OPHN1: variants seen among roughly 807,000 people sequenced by gnomAD.
OPHN1 encodes oligophrenin 1.
In OPHN1, 11 loss-of-function variants were observed where a neutral mutation model predicts 60.7. That is an observed-to-expected ratio of 0.18 (90% confidence interval 0.11 to 0.30). OPHN1 has a LOEUF of 0.30. Among genes scored for constraint, OPHN1 ranks in the 10% least tolerant of loss-of-function variants. The probability of loss-of-function intolerance (pLI) is 1.00; values close to 1 mark genes in which losing one functional copy is unlikely to be tolerated. For synonymous variants in OPHN1, 226 were observed against 222.6 expected, an observed-to-expected ratio of 1.02 and a Z score of -0.14; for missense variants, 449 against 611.0, an observed-to-expected ratio of 0.73 and a Z score of 2.80.
chrX:68,401,453 A>G (rs957129527), intron 2 of OPHN1, among the ~76,000 whole-genome samples: 1 of 112,283 alleles, frequency 8.9e-6, no homozygotes, highest in African/African-American at 3.2e-5. Flanking sequence ...AGCCTGATAC[A>G]CACAAGGCCC....
chrX:68,269,813 G>A (rs895800600), intron 5 of OPHN1, among the ~76,000 whole-genome samples: 2 of 111,725 alleles, frequency 1.8e-5, no homozygotes, highest in Non-Finnish European at 3.8e-5. Flanking sequence ...CCTACAGAAT[G>A]GGAGAAAAAT....
intron 2 of OPHN1, among the ~76,000 whole-genome samples, chrX:68,398,616 G>A (rs1178131324): frequency 2.7e-5 from 3 of 111,384 alleles, no homozygotes; most frequent in Non-Finnish European, 5.6e-5. Context: ...TAAAGGCAAT[G>A]TGCTACCTTA....
At position 68,090,242 on chromosome X, in the gene OPHN1, C is replaced by CTGTGTG. The variant is rs10549357; in HGVS notation, c.1686+6622_1686+6627dup. ...CCCACCCCCCACCAAGTGTGTGTGT[C>CTGTGTG]TGTGTGTGTGTGTGTGTGTGTGTGT... On this transcript the variant is annotated intron_variant, in intron 19 of 24. Coordinates refer to ENST00000355520, the MANE Select transcript of OPHN1 (RefSeq NM_002547.3). Among the ~76,000 whole-genome samples, 622 of 98,148 alleles carry CTGTGTG rather than the reference C, an allele frequency of 6.3e-3. 2 individuals are homozygous for CTGTGTG. The highest frequency in any genetic ancestry group is 0.01 in the African/African-American group (277 of 27,041). The allele number at this position is 98,148 out of a possible 115,157, so 85.2% of individuals were successfully genotyped here.
At chrX:68,369,632 C>A (rs896259126) in intron 2 of OPHN1, among the ~76,000 whole-genome samples, 7 of 109,719 alleles carry the variant, frequency 6.4e-5, no homozygotes, top group African/African-American at 2.3e-4. Context: ...GACAATATCA[C>A]TAAGATAGAG....
At chrX:68,308,024 G>C (rs2078154360) in intron 2 of OPHN1, among the ~76,000 whole-genome samples, 1 of 112,315 alleles carries the variant, frequency 8.9e-6, no homozygotes, top group Admixed American at 9.4e-5. Flanking sequence ...ACCTGGTAAG[G>C]TTATGTGCTT....
intron 2 of OPHN1, among the ~76,000 whole-genome samples, chrX:68,330,635 T>TA (rs994188119): frequency 4.7e-5 from 5 of 106,604 alleles, no homozygotes; most frequent in Non-Finnish European, 5.8e-5. Context: ...TCTGCCTCTT[T>TA]AAAAAAAAAG....
At chrX:68,049,070 T>C (rs1000998539) in intron 23 of OPHN1, among the ~76,000 whole-genome samples, 12 of 111,176 alleles carry the variant, frequency 1.1e-4, no homozygotes, top group African/African-American at 3.3e-4. Context: ...ATGGCTTCAA[T>C]TGCCACCAAA....
chrX:68,397,267 C>A (rs2147762223), intron 2 of OPHN1, among the ~76,000 whole-genome samples: 1 of 110,931 alleles, frequency 9.0e-6, no homozygotes, highest in African/African-American at 3.3e-5. Context: ...AACCAGGGAC[C>A]ACAGTGGCTG....
chrX:68,324,635 A>C (rs1198313283), intron 2 of OPHN1, among the ~76,000 whole-genome samples: 1 of 109,386 alleles, frequency 9.1e-6, no homozygotes, highest in African/African-American at 3.3e-5. Context: ...AAAATCTAAA[A>C]ATAAAAATAA....
chrX:68,181,784 C>A (rs777975286), intron 15 of OPHN1, among the ~76,000 whole-genome samples: 9 of 111,628 alleles, frequency 8.1e-5, no homozygotes, highest in Non-Finnish European at 1.3e-4. Flanking sequence ...GCTAAGATTG[C>A]GCCACTGCAC....
intron 15 of OPHN1, among the ~76,000 whole-genome samples, chrX:68,157,329 G>A (rs2077313708): frequency 9.0e-6 from 1 of 111,564 alleles, no homozygotes; most frequent in South Asian, 3.7e-4. Context: ...TTTATTAAAA[G>A]TATACCATCC....
chrX:68,363,486 T>A (rs1449561315), intron 2 of OPHN1, among the ~76,000 whole-genome samples: 1 of 109,417 alleles, frequency 9.1e-6, no homozygotes, highest in African/African-American at 3.3e-5. Flanking sequence ...TGTTTTTTTT[T>A]ATTTTAGTAG....
At chrX:68,320,814 T>C (rs903595039) in intron 2 of OPHN1, among the ~76,000 whole-genome samples, 1 of 111,832 alleles carries the variant, frequency 8.9e-6, no homozygotes, top group Non-Finnish European at 1.9e-5. Flanking sequence ...CAGATTCAAG[T>C]TGGGGTACCC....
chrX:68,266,741 TAA>T (rs2077930631), intron 5 of OPHN1, among the ~76,000 whole-genome samples: 1 of 111,177 alleles, frequency 9.0e-6, no homozygotes, highest in South Asian at 3.9e-4. Flanking sequence ...GCAAATTGGA[TAA>T]AGAGTCAAGA....
intron 15 of OPHN1, among the ~76,000 whole-genome samples, chrX:68,182,753 A>T (rs2077444010): frequency 9.0e-6 from 1 of 111,189 alleles, no homozygotes. Context: ...TCTACCAAAA[A>T]ATACAAAAAT....
intron 4 of OPHN1, among the ~76,000 whole-genome samples, chrX:68,275,527 G>A (rs1195071252): frequency 1.8e-5 from 2 of 111,380 alleles, no homozygotes; most frequent in Non-Finnish European, 3.8e-5. Context: ...AACAAGTGGG[G>A]TTTGTGCCTC....
intron 3 of OPHN1, among the ~76,000 whole-genome samples, 158 bp downstream of exon 3, chrX:68,298,843 G>A (rs1359569090): frequency 1.8e-5 from 2 of 111,945 alleles, no homozygotes; most frequent in African/African-American, 6.5e-5. Flanking sequence ...GACTGGCAGG[G>A]AAAGTTTCCT....
At chrX:68,357,222 C>G (rs1228399500) in intron 2 of OPHN1, among the ~76,000 whole-genome samples, 2 of 111,917 alleles carry the variant, frequency 1.8e-5, no homozygotes, top group Admixed American at 1.9e-4. Context: ...CTCAGCAAAA[C>G]AGAGTGTATC....
chrX:68,129,700 T>C lies in OPHN1; in HGVS notation c.1277-10368A>G, dbSNP rs189802962. 2.8e-3 allele frequency among the ~76,000 whole-genome samples: 309 copies of C among 112,113 alleles called. 2 individuals are homozygous for C. The highest frequency in any genetic ancestry group is 9.5e-3 in the African/African-American group (293 of 30,871). ...TGGCTTACCTAAAGTACACAGATCA[T>C]GTCAGAGTGTCTCAATTAATTCAGG... On this transcript the variant is annotated intron_variant, in intron 15 of 24. Transcript: ENST00000355520.
Sources: allele counts gnomAD v4.1 joint callset (sites outside exome capture counted in the v4.1 genomes callset), GRCh38; gene constraint gnomAD v4.1.1; transcripts MANE v1.5; gene names NCBI Gene and HGNC (gene_info 2026-07-23, HGNC 2026-07-21).